KCNH8: variants seen among roughly 807,000 people sequenced by gnomAD.
KCNH8 encodes the protein potassium voltage-gated channel subfamily H member 8, also known as voltage-gated delayed rectifier potassium channel KCNH8.
In KCNH8, 70 loss-of-function variants were observed where a neutral mutation model predicts 103.6. The observed-to-expected ratio is 0.68, with a 90% CI of 0.56 to 0.82. The LOEUF (loss-of-function observed/expected upper bound fraction) is 0.82. Among genes scored for constraint, KCNH8 ranks in the 40% least tolerant of loss-of-function variants. KCNH8 has a pLI of 0.00. For missense variants in KCNH8, 1,217 were observed against 1,329.9 expected, an observed-to-expected ratio of 0.92 and a Z score of 1.32; for synonymous variants, 498 against 489.4, an observed-to-expected ratio of 1.02 and a Z score of -0.23.
At chr3:19,319,660 G>A (rs901516019) in intron 3 of KCNH8, among the ~76,000 whole-genome samples, 1 of 151,858 alleles carries the variant, frequency 6.6e-6, no homozygotes. Flanking sequence ...TCTTTACTTG[G>A]TTCCATATCA....
chr3:19,286,833 G>A (rs1191531275), intron 3 of KCNH8, among the ~76,000 whole-genome samples: 1 of 152,130 alleles, frequency 6.6e-6, no homozygotes, highest in African/African-American at 2.4e-5. Flanking sequence ...ATCCACACTT[G>A]GTTGAATCCG....
chr3:19,392,723 C>T (rs1219948678), intron 6 of KCNH8, among the ~76,000 whole-genome samples: 3 of 151,896 alleles, frequency 2.0e-5, no homozygotes, highest in African/African-American at 7.3e-5. Flanking sequence ...CTTTTAAGTA[C>T]GGATCACATG....
chr3:19,310,852 C>T lies in KCNH8; in HGVS notation c.442+29523C>T, dbSNP rs1380684492. Among the ~76,000 whole-genome samples, 3 of 151,822 alleles carry T rather than the reference C, an allele frequency of 2.0e-5. No homozygotes were observed. In the East Asian group the frequency reaches 5.8e-4, roughly 29 times the overall value. On this transcript the variant is annotated intron_variant, in intron 3 of 15. Transcript: ENST00000328405. ...AACATAAGGTGAAAAAATACAATTT[C>T]TAATAATACTTCAGGATCACAGCCT...
chr3:19,311,897 A>G (rs2065213285), intron 3 of KCNH8, among the ~76,000 whole-genome samples: 3 of 152,058 alleles, frequency 2.0e-5, no homozygotes, highest in Non-Finnish European at 4.4e-5. Context: ...CTCTTTTTCA[A>G]ACAGTTTGGA....
At chr3:19,483,899 A>G (rs544536775) in intron 11 of KCNH8, among the ~76,000 whole-genome samples, 8 of 152,114 alleles carry the variant, frequency 5.3e-5, no homozygotes, top group Non-Finnish European at 8.8e-5. Context: ...GGACTGGATC[A>G]TTTTTATTTT....
chr3:19,430,959 A>G (rs868626841), intron 7 of KCNH8, among the ~76,000 whole-genome samples: 1 of 152,130 alleles, frequency 6.6e-6, no homozygotes, highest in Non-Finnish European at 1.5e-5. Context: ...CTCTCTTTCT[A>G]TTTGAATACG....
intron 1 of KCNH8, among the ~76,000 whole-genome samples, chr3:19,233,067 C>CCA (rs1423176457): frequency 2.2e-5 from 2 of 92,928 alleles, no homozygotes; most frequent in African/African-American, 1.0e-4. Context: ...TTCCTCCCCC[C>CCA]CCCCACCCCA....
At chr3:19,501,808 C>T (rs1486163505) in intron 11 of KCNH8, among the ~76,000 whole-genome samples, 1 of 152,110 alleles carries the variant, frequency 6.6e-6, no homozygotes, top group African/African-American at 2.4e-5. Flanking sequence ...GACAAACCCA[C>T]AGCCAATATC....
In KCNH8 at chr3:19,531,673, G is replaced by A. The variant is rs1005799405; in HGVS notation, c.2620-1722G>A. On this transcript the variant is annotated intron_variant, in intron 15 of 15. Transcript: ENST00000328405. ...CTGACTTTGAGCAGTGTCACCTCCC[G>A]ATGGACCTGCCAGGGAGAATTAGTT... Among the ~76,000 whole-genome samples the A allele has an allele frequency of 3.3e-5, 5 of 152,282 alleles. No homozygotes were observed. The South Asian group carries it at 6.2e-4, about 19-fold the overall frequency.
intron 3 of KCNH8, among the ~76,000 whole-genome samples, chr3:19,281,600 G>C (rs1433593730): frequency 1.3e-5 from 2 of 152,068 alleles, no homozygotes; most frequent in Non-Finnish European, 2.9e-5. Context: ...TTATCACAAT[G>C]TAAGGATTAA....
chr3:19,214,741 G>A (rs75317610), intron 1 of KCNH8, among the ~76,000 whole-genome samples: 5,918 of 152,220 alleles, frequency 0.039, 411 homozygotes, highest in African/African-American at 0.13. Context: ...CATTAGACAT[G>A]TACCAAGGAC....
intron 1 of KCNH8, among the ~76,000 whole-genome samples, chr3:19,214,300 G>A (rs1424758924): frequency 6.6e-6 from 1 of 152,164 alleles, no homozygotes; most frequent in Non-Finnish European, 1.5e-5. Context: ...TTTACCATGT[G>A]ACATCTTTAT....
intron 1 of KCNH8, among the ~76,000 whole-genome samples, chr3:19,241,182 T>G (rs1371423211): frequency 1.3e-5 from 2 of 152,198 alleles, no homozygotes; most frequent in Non-Finnish European, 2.9e-5. Context: ...CTTCCTTTCA[T>G]TCTGAAGATT....
At chr3:19,322,819 A>T (rs1359652099) in intron 3 of KCNH8, among the ~76,000 whole-genome samples, 1 of 152,164 alleles carries the variant, frequency 6.6e-6, no homozygotes, top group Non-Finnish European at 1.5e-5. Flanking sequence ...TTCTTCAGGA[A>T]CACCAATTAT....
chr3:19,224,462 T>A (rs967062575), intron 1 of KCNH8, among the ~76,000 whole-genome samples: 2 of 152,102 alleles, frequency 1.3e-5, no homozygotes, highest in African/African-American at 4.8e-5. Flanking sequence ...TTTTTAATGA[T>A]TTGAAGTGTA....
chr3:19,398,708 G>A (rs2066562380), intron 7 of KCNH8, among the ~76,000 whole-genome samples: 1 of 151,862 alleles, frequency 6.6e-6, no homozygotes, highest in Non-Finnish European at 1.5e-5. Context: ...CCTCAGTGGG[G>A]TTACCAGTAT....
At chr3:19,394,954 TATA>T (rs1355794273) in intron 6 of KCNH8, 147 bp from the exon 7 acceptor site, 3 of 634,112 alleles carry the variant, frequency 4.7e-6, no homozygotes, top group South Asian at 2.0e-5. Context: ...CACTTTCTGA[TATA>T]ATATGTCAAG....
intron 5 of KCNH8, among the ~76,000 whole-genome samples, chr3:19,359,126 T>C (rs906684379): frequency 6.6e-6 from 1 of 151,644 alleles, no homozygotes; most frequent in Non-Finnish European, 1.5e-5. Context: ...AATTCAAAAA[T>C]ATGCCAGTTA....
chr3:19,397,968 CTG>C (rs1184513671), intron 7 of KCNH8, among the ~76,000 whole-genome samples: 2 of 151,956 alleles, frequency 1.3e-5, no homozygotes, highest in African/African-American at 4.8e-5. Flanking sequence ...ACCCTGTAAT[CTG>C]TGCACTAATG....
Sources: gnomAD v4.1 joint callset for allele counts (sites outside exome capture counted in the v4.1 genomes callset) on GRCh38, gnomAD v4.1.1 for gene constraint, MANE v1.5 for transcripts, NCBI Gene and HGNC (gene_info 2026-07-23, HGNC 2026-07-21) for gene names.